The following TAX1BP1 variants were observed in gnomAD, a reference collection of about 807,000 sequenced individuals.
TAX1BP1 encodes the protein tax1-binding protein 1.
TAX1BP1 carries 62 observed loss-of-function variants against 97.7 expected under a neutral mutation model. That is an observed-to-expected ratio of 0.63 (90% CI 0.52 to 0.78). The LOEUF (loss-of-function observed/expected upper bound fraction) is 0.78, where lower values mean the gene tolerates loss of function less well. TAX1BP1 is among the 30% of genes least tolerant of loss of function. The probability of loss-of-function intolerance (pLI) is 0.00; values close to 1 mark genes in which losing one functional copy is unlikely to be tolerated. For missense variants in TAX1BP1, 867 were observed against 916.1 expected, an observed-to-expected ratio of 0.95 and a Z score of 0.69; for synonymous variants, 340 against 304.2, an observed-to-expected ratio of 1.12 and a Z score of -1.23.
At position 27,792,209 on chromosome 7, in the gene TAX1BP1, A is replaced by G. The variant is rs35521804; in HGVS notation, c.1242A>G (p.Leu414=). The G allele has an allele frequency of 8.5e-4, 1,368 of 1,610,998 alleles. No homozygotes were observed. The highest frequency in any genetic ancestry group is 1.1e-3 in the Non-Finnish European group (1,288 of 1,178,408). ...CTGATGCAGTGGCAGAACTTAAACT[A>G]AATGCTATGAAAAAAGATCAGGTAA... ...QLADAVAELK[L]NAMKKDQDKT... The change falls in exon 9 of 17, where the codon CTA becomes CTG. Residue 414 remains leucine (L), a synonymous_variant. Coordinates refer to ENST00000396319, the MANE Select transcript of TAX1BP1 (RefSeq NM_006024.7).
At chr7:27,781,565 A>G (rs1208832352) in intron 5 of TAX1BP1, among the ~76,000 whole-genome samples, 1 of 152,174 alleles carries the variant, frequency 6.6e-6, no homozygotes, top group Non-Finnish European at 1.5e-5. Context: ...TGTATAGGGC[A>G]TTTACCACAA....
intron 3 of TAX1BP1, among the ~76,000 whole-genome samples, chr7:27,762,722 A>C (rs987801411): frequency 2.0e-5 from 3 of 152,046 alleles, no homozygotes; most frequent in Non-Finnish European, 4.4e-5. Context: ...GCCAAGGAGG[A>C]TGGATTGCAT....
chr7:27,812,594 TTCCA>T (rs1365277693), intron 13 of TAX1BP1, among the ~76,000 whole-genome samples: 3 of 152,210 alleles, frequency 2.0e-5, no homozygotes, highest in African/African-American at 7.2e-5. Context: ...TATTTTTTTC[TTCCA>T]AAAGGTTTGT....
rs1790790280 is a variant in TAX1BP1, at chr7:27,816,915, A to G, written c.1962A>G (p.Pro654=). The change falls in exon 15 of 17, where the codon CCA becomes CCG. Residue 654 remains proline, a synonymous_variant. Coordinates refer to ENST00000396319, the MANE Select transcript of TAX1BP1 (RefSeq NM_006024.7). The part of the protein sequence containing the change: ...TRDGADGAFY[P]DEIQRPPVRV... ...ATGGAGCAGATGGTGCTTTTTACCC[A>G]GATGAAATACAAAGGCCACCTGTCA... The G allele has an allele frequency of 6.8e-6, 11 of 1,614,004 alleles. No homozygotes were observed. Among genetic ancestry groups the G allele is most frequent in the South Asian group, 1.1e-5 (1 of 91,072 alleles).
chr7:27,778,924 C>T (rs1789137854), intron 5 of TAX1BP1, among the ~76,000 whole-genome samples: 2 of 151,866 alleles, frequency 1.3e-5, no homozygotes, highest in Admixed American at 1.3e-4. Flanking sequence ...ATGCCACCAT[C>T]ACCAAAATTT....
intron 2 of TAX1BP1, among the ~76,000 whole-genome samples, chr7:27,756,258 C>A (rs1788209742): frequency 6.6e-6 from 1 of 152,142 alleles, no homozygotes; most frequent in South Asian, 2.1e-4. Flanking sequence ...GGAGCCCATT[C>A]TCTGTATCTT....
intron 15 of TAX1BP1, among the ~76,000 whole-genome samples, chr7:27,822,102 T>A (rs1198117714): frequency 6.6e-6 from 1 of 152,196 alleles, no homozygotes; most frequent in Non-Finnish European, 1.5e-5. Context: ...AAATGCTTAC[T>A]GGAGCATTTT....
chr7:27,816,445 G>A lies in TAX1BP1; in HGVS notation c.1861G>A (p.Gly621Ser), dbSNP rs1482047367. 1 of 1,567,608 alleles carries A rather than the reference G, an allele frequency of 6.4e-7. No homozygotes were observed. The highest frequency in any genetic ancestry group is 8.6e-7 in the Non-Finnish European group (1 of 1,166,252). Residue 621 changes from glycine to serine, a missense_variant, in exon 14 of 17, where the codon GGT (glycine) becomes AGT (serine). Gly to Ser is a moderately conservative substitution (Grantham distance 56). Around this residue, in one of 3 missense-constraint regions of TAX1BP1, gnomAD observed 822 missense variants for 851.4 expected, o/e 0.97. Transcript: ENST00000396319. ...TTTCAAAACATGCTCAGAGCAAAAT[G>A]GTTATGTTCTCACATTGTCAAATGC... ...QCFKTCSEQN[G>S]YVLTLSNAQP... is the part of the protein sequence containing the mutation.
At chr7:27,773,683 C>A (rs989106731) in intron 5 of TAX1BP1, among the ~76,000 whole-genome samples, 4 of 151,906 alleles carry the variant, frequency 2.6e-5, no homozygotes, top group Non-Finnish European at 5.9e-5. Context: ...TTTTTTGAAA[C>A]CCCATCTTTA....
chr7:27,751,376 A>G (rs1324181197), intron 2 of TAX1BP1, among the ~76,000 whole-genome samples: 1 of 152,186 alleles, frequency 6.6e-6, no homozygotes, highest in Non-Finnish European at 1.5e-5. Context: ...GTATATAGCT[A>G]CATGTAATAA....
At chr7:27,791,972 T>C (rs760437532) in intron 8 of TAX1BP1, 34 bp from the exon 9 acceptor site, 18 of 1,595,706 alleles carry the variant, frequency 1.1e-5, no homozygotes, top group Middle Eastern at 1.7e-4. Context: ...ACTTGAGTGG[T>C]TGAATTACAA....
intron 8 of TAX1BP1, 149 bp from the exon 9 acceptor site, chr7:27,791,857 G>T: frequency 3.0e-6 from 2 of 677,116 alleles, no homozygotes; most frequent in Non-Finnish European, 5.0e-6. Context: ...TACTTCTTAA[G>T]TTTTTTGTAG....
chr7:27,770,467 C>T (rs1788802650), intron 5 of TAX1BP1, among the ~76,000 whole-genome samples: 1 of 152,016 alleles, frequency 6.6e-6, no homozygotes. Context: ...ACAAGAAAAG[C>T]AGTTTGTTCT....
intron 12 of TAX1BP1, among the ~76,000 whole-genome samples, chr7:27,797,008 T>A (rs866481681): frequency 6.6e-5 from 10 of 151,734 alleles, no homozygotes; most frequent in South Asian, 4.2e-4. Flanking sequence ...TATTTTATTT[T>A]TTTTTTTGAT....
rs1481009882 is a variant in TAX1BP1 at position 27,761,390 on chromosome 7, G to A, written c.265+3257G>A. Among the ~76,000 whole-genome samples the A allele has an allele frequency of 2.0e-5, 3 of 152,064 alleles. No homozygotes were observed. In the East Asian group the frequency reaches 5.8e-4, roughly 29 times the overall value. ...TTCACTGTGTGATGTAAATTCTGTT[G>A]ATTTTGATGAATGTATGAAGACATA... is the stretch of plus-strand genomic sequence containing the variant. On this transcript the variant is annotated intron_variant, in intron 3 of 16. Coordinates refer to ENST00000396319, the MANE Select transcript of TAX1BP1 (RefSeq NM_006024.7).
At chr7:27,788,000 T>C (rs1412971399) in intron 8 of TAX1BP1, among the ~76,000 whole-genome samples, 1 of 152,114 alleles carries the variant, frequency 6.6e-6, no homozygotes, top group Non-Finnish European at 1.5e-5. Flanking sequence ...TGTATTCTTA[T>C]ATAATCTTTA....
At chr7:27,767,143 A>G (rs1328579054) in intron 4 of TAX1BP1, among the ~76,000 whole-genome samples, 1 of 152,104 alleles carries the variant, frequency 6.6e-6, no homozygotes, top group Non-Finnish European at 1.5e-5. Flanking sequence ...ATACCTAAAA[A>G]ACTACAGTGT....
intron 2 of TAX1BP1, among the ~76,000 whole-genome samples, chr7:27,754,609 A>G (rs1391619053): frequency 2.0e-5 from 3 of 151,838 alleles, no homozygotes; most frequent in East Asian, 1.9e-4. Flanking sequence ...GTCTCGCTCT[A>G]TCGCCGAGGC....
chr7:27,785,995 T>C (rs1172895762), intron 7 of TAX1BP1, among the ~76,000 whole-genome samples: 1 of 152,172 alleles, frequency 6.6e-6, no homozygotes, highest in Non-Finnish European at 1.5e-5. Context: ...TAAGAACATA[T>C]ATATATATAC....
Sources: gnomAD v4.1 joint callset for allele counts (sites outside exome capture counted in the v4.1 genomes callset) on GRCh38, gnomAD v4.1.1 for gene constraint, gnomAD v4.1.1 regional missense constraint, MANE v1.5 for transcripts, NCBI Gene and HGNC (gene_info 2026-07-23, HGNC 2026-07-21) for gene names.